Variants in NELL1 observed in about 807,000 individuals in gnomAD.
NELL1 encodes protein kinase C-binding protein NELL1.
In NELL1, 76 loss-of-function variants were observed where a neutral mutation model predicts 107.4. The ratio of observed to expected loss-of-function variants is 0.71; its 90% confidence interval spans 0.59 to 0.86. The LOEUF is 0.86. Ranked by LOEUF, NELL1 falls within the 40% of genes least tolerant of loss-of-function variation. The pLI is 0.00. For synonymous variants in NELL1, 353 were observed against 341.2 expected, an observed-to-expected ratio of 1.03 and a Z score of -0.38; for missense variants, 1,024 against 1,005.5, an observed-to-expected ratio of 1.02 and a Z score of -0.25.
chr11:21,364,311 C>T (rs956662497), intron 14 of NELL1, among the ~76,000 whole-genome samples: 11 of 145,840 alleles, frequency 7.5e-5, no homozygotes, highest in Admixed American at 2.1e-4. Context: ...CTCGGGAGGC[C>T]GAGGCAGTAG....
intron 13 of NELL1, among the ~76,000 whole-genome samples, chr11:21,140,033 A>G (rs1226900029): frequency 6.6e-6 from 1 of 152,020 alleles, no homozygotes; most frequent in Non-Finnish European, 1.5e-5. Flanking sequence ...TCTCTGAGAA[A>G]CTCTATCAGA....
At chr11:21,381,427 A>C (rs1443547073) in intron 15 of NELL1, among the ~76,000 whole-genome samples, 1 of 151,996 alleles carries the variant, frequency 6.6e-6, no homozygotes, top group East Asian at 1.9e-4. Flanking sequence ...GCCACTAAAA[A>C]AAGAAAAGAG....
At chr11:21,336,674 T>TATACACACACAC (rs55720144) in intron 14 of NELL1, among the ~76,000 whole-genome samples, 186 of 130,516 alleles carry the variant, frequency 1.4e-3, no homozygotes, top group Non-Finnish European at 2.4e-3. Context: ...TATATATATA[T>TATACACACACAC]ACACACACAC....
chr11:20,677,798 C>A, intron 1 of NELL1, 134 bp from the exon 2 acceptor site: 1 of 997,858 alleles, frequency 1.0e-6, no homozygotes. Context: ...TTTTCTTTTC[C>A]CTCCATAGAC....
Position 20,697,395 on chromosome 11 carries a change from C to CTT in NELL1, c.184+19350_184+19351dup, listed in dbSNP as rs200467344. ...TGAGTGCAAATTCTTTAATATGTTG[C>CTT]TTTTTTTTTTTTTTTTCCTGCCAGG... On this transcript the variant is annotated intron_variant, in intron 2 of 19. Coordinates refer to ENST00000357134, the MANE Select transcript of NELL1 (RefSeq NM_006157.5). Among the ~76,000 whole-genome samples, 470 of 107,442 alleles carry CTT rather than the reference C, an allele frequency of 4.4e-3. 1 individual carries two copies. The highest frequency in any genetic ancestry group is 0.016 in the African/African-American group (433 of 27,762). The allele number at this position is 107,442 out of a possible 152,430, so 70.5% of individuals were successfully genotyped here. A position where few individuals can be genotyped will look rare whatever the true frequency, so the allele number is the denominator to read the frequency against.
At chr11:20,715,029 G>C (rs1855208445) in intron 2 of NELL1, among the ~76,000 whole-genome samples, 1 of 152,080 alleles carries the variant, frequency 6.6e-6, no homozygotes, top group Non-Finnish European at 1.5e-5. Context: ...GGATCACGAG[G>C]TCAGGAGATC....
Position 21,444,136 on chromosome 11 carries a change from A to G in NELL1, c.1645+73188A>G, listed in dbSNP as rs146244659. On this transcript the variant is annotated intron_variant, in intron 15 of 19. Transcript: ENST00000357134. Reference sequence around the variant, plus strand: ...TTAAAAATGAGATTATACTCTAAAGAGTTTTAACATTTTTCACTTAACAGG... The same window carrying G: ...TTAAAAATGAGATTATACTCTAAAGGGTTTTAACATTTTTCACTTAACAGG... Among the ~76,000 whole-genome samples, 58 of 152,274 alleles carry G rather than the reference A, an allele frequency of 3.8e-4. 2 individuals are homozygous for G. The East Asian group carries it at 0.011, about 28-fold the overall frequency.
chr11:20,946,676 C>A (rs1850968289), intron 10 of NELL1, among the ~76,000 whole-genome samples: 1 of 152,142 alleles, frequency 6.6e-6, no homozygotes, highest in African/African-American at 2.4e-5. Context: ...AAGCTGGTGT[C>A]TTCATAATTT....
intron 13 of NELL1, among the ~76,000 whole-genome samples, chr11:21,114,931 C>T (rs1855195418): frequency 6.6e-6 from 1 of 151,998 alleles, no homozygotes; most frequent in Non-Finnish European, 1.5e-5. Context: ...CTCTTAACGT[C>T]TTTTAACCCT....
At chr11:20,830,899 T>C (rs1055702620) in intron 3 of NELL1, among the ~76,000 whole-genome samples, 9 of 152,098 alleles carry the variant, frequency 5.9e-5, no homozygotes, top group Non-Finnish European at 1.3e-4. Flanking sequence ...CACTTCCCAC[T>C]AGGCCCCACC....
chr11:21,242,989 T>C (rs1345183952), intron 14 of NELL1, among the ~76,000 whole-genome samples: 1 of 152,118 alleles, frequency 6.6e-6, no homozygotes, highest in Non-Finnish European at 1.5e-5. Context: ...TCCCTTCCTG[T>C]TGTTAGTGAT....
chr11:21,097,750 A>G (rs76379002), intron 12 of NELL1, among the ~76,000 whole-genome samples: 6,114 of 152,218 alleles, frequency 0.04, 205 homozygotes, highest in South Asian at 0.15. Flanking sequence ...TTGAAGAGAA[A>G]CTCAGAAAGA....
chr11:21,534,391 G>C lies in NELL1; in HGVS notation c.1663G>C (p.Glu555Gln). 1.2e-6 allele frequency: 2 copies of C among 1,613,888 alleles called. No individual in the cohort carries two copies. Among genetic ancestry groups the C allele is most frequent in the Non-Finnish European group, 1.7e-6 (2 of 1,179,818 alleles). ...TGAGGCAGATATTGATGAATGTTCA[G>C]AGGGAATCATTGAGTGCCACAACCA... ...HCEKDIDECS[E>Q]GIIECHNHSR... is the part of the protein sequence containing the mutation. Residue 555 changes from glutamate to glutamine, a missense_variant, in exon 16 of 20, where the codon GAG becomes CAG. Transcript: ENST00000357134.
intron 12 of NELL1, among the ~76,000 whole-genome samples, chr11:21,094,821 G>A (rs1854603486): frequency 6.6e-6 from 1 of 152,146 alleles, no homozygotes. Flanking sequence ...TTTTCTTCTA[G>A]GCCACTGGGC....
At chr11:21,285,882 G>A (rs1849104889) in intron 14 of NELL1, among the ~76,000 whole-genome samples, 1 of 152,136 alleles carries the variant, frequency 6.6e-6, no homozygotes, top group Non-Finnish European at 1.5e-5. Context: ...TTATAGTTGG[G>A]AGACAAACTA....
chr11:21,041,950 C>T (rs949371353), intron 12 of NELL1, among the ~76,000 whole-genome samples: 1 of 152,184 alleles, frequency 6.6e-6, no homozygotes, highest in Non-Finnish European at 1.5e-5. Flanking sequence ...TTCTTTGGGG[C>T]TGGTGTGTGC....
Position 21,573,355 on chromosome 11 carries a change from T to C in NELL1, c.2328T>C (p.Leu776=), listed in dbSNP as rs756845427. ...TGGACAGCTATGGTGTTTCACGGCT[T>C]AGTGGCTCAGTGTGGACGATGGCTG... The part of the protein sequence containing the change: ...TCLDSYGVSR[L]SGSVWTMAGS... Residue 776 remains leucine (L), a synonymous_variant, in exon 19 of 20, where the codon CTT becomes CTC. Coordinates refer to ENST00000357134, the MANE Select transcript of NELL1 (RefSeq NM_006157.5). The C allele has an allele frequency of 6.2e-7, 1 of 1,612,416 alleles. No individual in the cohort carries two copies. The highest frequency in any genetic ancestry group is 8.5e-7 in the Non-Finnish European group (1 of 1,178,952).
At chr11:20,789,873 A>G (rs1857040268) in intron 3 of NELL1, among the ~76,000 whole-genome samples, 1 of 151,980 alleles carries the variant, frequency 6.6e-6, no homozygotes. Context: ...AGGAGGCCCT[A>G]GAGTGGGTGG....
intron 15 of NELL1, among the ~76,000 whole-genome samples, chr11:21,422,159 GAGA>G (rs1470011731): frequency 2.0e-5 from 3 of 152,076 alleles, no homozygotes; most frequent in East Asian, 1.9e-4. Flanking sequence ...GCAAGAGAGA[GAGA>G]AGAAGAGAGA....
Sources: gnomAD v4.1 joint callset for allele counts (sites outside exome capture counted in the v4.1 genomes callset) on GRCh38, gnomAD v4.1.1 for gene constraint, MANE v1.5 for transcripts, NCBI Gene and HGNC (gene_info 2026-07-23, HGNC 2026-07-21) for gene names.